The following CDIN1 variants were observed in gnomAD, a reference collection of about 807,000 sequenced individuals.
CDIN1 encodes CDAN1 interacting nuclease 1.
In CDIN1, 33 loss-of-function variants were observed where a neutral mutation model predicts 45.3. The observed-to-expected ratio is 0.73, with a 90% confidence interval of 0.55 to 0.97. The LOEUF is 0.97. CDIN1 is among the 50% of genes least tolerant of loss of function. The probability of loss-of-function intolerance (pLI) is 0.00; values close to 1 mark genes in which losing one functional copy is unlikely to be tolerated. For synonymous variants in CDIN1, 118 were observed against 124.4 expected (o/e 0.95, Z 0.34); for missense variants, 303 against 339.4 (o/e 0.89, Z 0.84).
intron 1 of CDIN1, chr15:36,614,341 C>T: frequency 1.8e-6 from 1 of 542,416 alleles, no homozygotes; most frequent in Admixed American, 2.0e-5. Context: ...CCCTTCTCCC[C>T]TGTGGCTTTT....
chr15:36,761,084 C>T (rs1236330567), intron 10 of CDIN1, among the ~76,000 whole-genome samples: 2 of 152,126 alleles, frequency 1.3e-5, no homozygotes, highest in East Asian at 1.9e-4. Context: ...ACGCCTTCAC[C>T]GGCACATCTA....
At chr15:36,751,229 T>TTTATA (rs568110101) in intron 10 of CDIN1, among the ~76,000 whole-genome samples, 4 of 97,612 alleles carry the variant, frequency 4.1e-5, no homozygotes, top group African/African-American at 1.3e-4. Flanking sequence ...TATGCTTATT[T>TTTATA]TATATATATA....
chr15:36,579,760 C>A lies in CDIN1; in HGVS notation c.-101C>A. The A allele has an allele frequency of 1.1e-6, 1 of 920,738 alleles. No homozygotes were observed. The highest frequency in any genetic ancestry group is 1.7e-6 in the Non-Finnish European group (1 of 603,688). 57.0% of individuals were successfully genotyped at this position (920,738 alleles called of 1,614,324 possible). A position where few individuals can be genotyped will look rare whatever the true frequency, so the allele number is the denominator to read the frequency against. ...CAAGCCAAGCAGGCGAGGACCCGGG[C>A]CTGTGCCGCTTTGCCTACCCCTCAT... is the stretch of plus-strand genomic sequence containing the variant. On this transcript the variant is annotated 5_prime_UTR_variant, in exon 1 of 11. Transcript: ENST00000566621.
At chr15:36,754,688 T>C (rs973604682) in intron 10 of CDIN1, among the ~76,000 whole-genome samples, 1 of 151,872 alleles carries the variant, frequency 6.6e-6, no homozygotes, top group Non-Finnish European at 1.5e-5. Context: ...GTCATCATGA[T>C]ATTTGAAAAG....
At chr15:36,674,389 A>G (rs1031637405) in intron 5 of CDIN1, among the ~76,000 whole-genome samples, 15 of 152,124 alleles carry the variant, frequency 9.9e-5, no homozygotes, top group African/African-American at 3.4e-4. Context: ...CCTTGACCAC[A>G]TATCAGGTCC....
chr15:36,579,834 C>T lies in CDIN1; in HGVS notation c.-27C>T. On this transcript the variant is annotated 5_prime_UTR_variant, in exon 1 of 11. Transcript: ENST00000566621. ...GCCCCAGGGTGTTTTTTCCTTGTTC[C>T]CGCCACCTCCTGGTCCCTGGCCCAA... 6.3e-7 allele frequency: 1 copy of T among 1,591,502 alleles called. No individual in the cohort carries two copies. Among genetic ancestry groups the T allele is most frequent in the Non-Finnish European group, 8.6e-7 (1 of 1,167,242 alleles).
At chr15:36,604,760 A>G (rs191378035) in intron 1 of CDIN1, among the ~76,000 whole-genome samples, 2 of 152,292 alleles carry the variant, frequency 1.3e-5, no homozygotes, top group East Asian at 3.9e-4. Context: ...AGCATATATG[A>G]TGATATTTAA....
At chr15:36,721,245 G>A (rs1005448679) in intron 10 of CDIN1, among the ~76,000 whole-genome samples, 8 of 152,136 alleles carry the variant, frequency 5.3e-5, no homozygotes, top group Admixed American at 1.3e-4. Context: ...TCTGATGGTA[G>A]TTTGTTTTGC....
At chr15:36,581,920 G>A (rs754025193) in intron 1 of CDIN1, among the ~76,000 whole-genome samples, 1 of 152,222 alleles carries the variant, frequency 6.6e-6, no homozygotes, top group Non-Finnish European at 1.5e-5. Flanking sequence ...TTTGTAAAAT[G>A]TTGCTTGTGA....
intron 8 of CDIN1, among the ~76,000 whole-genome samples, chr15:36,703,489 G>T (rs1310241664): frequency 2.9e-5 from 4 of 138,932 alleles, no homozygotes. Flanking sequence ...GTGATTTGGG[G>T]TCACATTACT....
chr15:36,765,916 A>G (rs1356023509), intron 10 of CDIN1, among the ~76,000 whole-genome samples: 8 of 152,196 alleles, frequency 5.3e-5, no homozygotes, highest in African/African-American at 1.9e-4. Flanking sequence ...AACACTTAAC[A>G]TAAGATCTAC....
chr15:36,711,383 T>A (rs2043051178), intron 10 of CDIN1, among the ~76,000 whole-genome samples: 2 of 152,076 alleles, frequency 1.3e-5, no homozygotes. Flanking sequence ...ACTTCAAAAT[T>A]CCAAATTATT....
intron 1 of CDIN1, among the ~76,000 whole-genome samples, chr15:36,595,909 G>T (rs1374734002): frequency 6.6e-6 from 1 of 152,192 alleles, no homozygotes; most frequent in Non-Finnish European, 1.5e-5. Context: ...TCAGTAACTG[G>T]CCTGTCACAG....
Position 36,809,893 on chromosome 15 carries a change from G to A in CDIN1, c.*1440G>A, listed in dbSNP as rs2055344067. On this transcript the variant is annotated 3_prime_UTR_variant, in exon 11 of 11. Transcript: ENST00000566621. ...CAACATGTGTGGATTTTAACTCTGA[G>A]TGGGGTGCATTAAATCAAAAGAGAG... 6.6e-6 allele frequency: 1 copy of A among 152,118 alleles called. No homozygotes were observed. The highest frequency in any genetic ancestry group is 2.4e-5 in the African/African-American group (1 of 41,426). The allele number at this position is 152,118 out of a possible 1,614,324, so 9.4% of individuals were successfully genotyped here.
intron 1 of CDIN1, among the ~76,000 whole-genome samples, chr15:36,605,335 A>G (rs73379840): frequency 0.021 from 3,249 of 152,302 alleles, 101 homozygotes; most frequent in South Asian, 0.1. Context: ...TAAAGTTTAT[A>G]TAAATCAATA....
intron 5 of CDIN1, among the ~76,000 whole-genome samples, chr15:36,689,710 C>A (rs1028017195): frequency 1.3e-5 from 2 of 152,062 alleles, no homozygotes; most frequent in African/African-American, 2.4e-5. Context: ...CTGCTGTAAT[C>A]TTTTCTTTTA....
chr15:36,692,091 C>A, intron 6 of CDIN1, 35 bp from the exon 7 acceptor site: 2 of 1,607,028 alleles, frequency 1.2e-6, no homozygotes, highest in Non-Finnish European at 1.7e-6. Flanking sequence ...TTTGTAGCCG[C>A]CCCACCCCAG....
intron 1 of CDIN1, chr15:36,627,719 C>T (rs2039500293): frequency 6.6e-6 from 1 of 152,366 alleles, no homozygotes; most frequent in Non-Finnish European, 1.5e-5. Context: ...CTGCCTGGCA[C>T]ATTAATATCT....
At chr15:36,702,766 T>C (rs2042690184) in intron 8 of CDIN1, among the ~76,000 whole-genome samples, 1 of 152,158 alleles carries the variant, frequency 6.6e-6, no homozygotes, top group Non-Finnish European at 1.5e-5. Context: ...TTTGTCCTTT[T>C]TGGGTTCTGC....
Sources: allele counts gnomAD v4.1 joint callset (sites outside exome capture counted in the v4.1 genomes callset), GRCh38; gene constraint gnomAD v4.1.1; transcripts MANE v1.5; gene names NCBI Gene and HGNC (gene_info 2026-07-23, HGNC 2026-07-21).